Variants in GABRB3 observed in about 807,000 individuals in gnomAD.
GABRB3 encodes the protein gamma-aminobutyric acid receptor subunit beta-3.
GABRB3 carries 14 observed loss-of-function variants against 52.1 expected under a neutral mutation model. The observed-to-expected ratio is 0.27, with a 90% CI of 0.18 to 0.42. The LOEUF (loss-of-function observed/expected upper bound fraction) is 0.42. GABRB3 is among the 10% of genes least tolerant of loss of function. The pLI, the probability that GABRB3 is intolerant of heterozygous loss-of-function variation, is 1.00. For synonymous variants in GABRB3, 260 were observed against 232.3 expected, an observed-to-expected ratio of 1.12 and a Z score of -1.08; for missense variants, 307 against 609.1, an observed-to-expected ratio of 0.50 and a Z score of 5.22.
At chr15:26,567,756 T>C in intron 6 of GABRB3, 23 bp from the exon 7 acceptor site, 2 of 1,612,378 alleles carry the variant, frequency 1.2e-6, no homozygotes. Context: ...GACAAGGATA[T>C]TACACTGGAG....
At chr15:26,548,248 T>A in intron 8 of GABRB3, 114 bp from the exon 9 acceptor site, 2 of 857,570 alleles carry the variant, frequency 2.3e-6, no homozygotes, top group Non-Finnish European at 4.0e-6. Context: ...CGAGAAACTG[T>A]ACATCTGTCA....
chr15:26,769,440 C>T (rs548369630), intron 3 of GABRB3, among the ~76,000 whole-genome samples: 1 of 152,262 alleles, frequency 6.6e-6, no homozygotes. Flanking sequence ...CAATTACCTG[C>T]TTTAAAACCT....
intron 3 of GABRB3, among the ~76,000 whole-genome samples, chr15:26,737,786 C>T (rs768935726): frequency 6.6e-6 from 1 of 152,110 alleles, no homozygotes; most frequent in Admixed American, 6.5e-5. Context: ...CATACACTTT[C>T]ATATCATACT....
chr15:26,602,653 CT>C (rs1486519202), intron 4 of GABRB3, among the ~76,000 whole-genome samples: 2 of 151,986 alleles, frequency 1.3e-5, no homozygotes, highest in Non-Finnish European at 2.9e-5. Context: ...CAATAGGTTC[CT>C]GAATGACCAG....
intron 3 of GABRB3, chr15:26,666,298 T>C (rs1887707910): frequency 6.6e-6 from 1 of 152,230 alleles, no homozygotes; most frequent in African/African-American, 2.4e-5. Flanking sequence ...TGTATTTCTA[T>C]TGCTTGGCAG....
intron 2 of GABRB3, 87 bp downstream of exon 2, chr15:26,772,594 C>T: frequency 7.0e-7 from 1 of 1,433,080 alleles, no homozygotes; most frequent in Non-Finnish European, 9.4e-7. Context: ...CGCCGCTGCT[C>T]CGCGGATGCG....
Position 26,624,531 on chromosome 15 carries a change from T to C in GABRB3, c.241-2997A>G, listed in dbSNP as rs914200021. The C allele has an allele frequency of 2.3e-5, 23 of 985,216 alleles. No homozygotes were observed. In the African/African-American group the frequency reaches 4.0e-4, roughly 17 times the overall value. The allele number at this position is 985,216 out of a possible 1,614,324, so 61.0% of individuals were successfully genotyped here. On this transcript the variant is annotated intron_variant, in intron 3 of 8. Transcript: ENST00000311550. ...ACAGCCTGACAGCTCGGGCTCCGCG[T>C]CTTATTTTGGACTGTGTCGCTCTCC...
chr15:26,639,683 C>T (rs1289583824), intron 3 of GABRB3, among the ~76,000 whole-genome samples: 1 of 152,182 alleles, frequency 6.6e-6, no homozygotes, highest in Non-Finnish European at 1.5e-5. Context: ...ACTTCCATAT[C>T]CTACAGTGTA....
intron 3 of GABRB3, among the ~76,000 whole-genome samples, chr15:26,643,938 G>A (rs1057044451): frequency 4.6e-5 from 7 of 152,140 alleles, no homozygotes; most frequent in African/African-American, 1.7e-4. Flanking sequence ...GGGGCTTCGT[G>A]GAATTCAATG....
At chr15:26,726,951 G>A (rs190689054) in intron 3 of GABRB3, among the ~76,000 whole-genome samples, 2 of 152,294 alleles carry the variant, frequency 1.3e-5, no homozygotes, top group East Asian at 3.9e-4. Flanking sequence ...ATGAGGTCAG[G>A]AGTTCGAGAC....
chr15:26,703,155 C>T (rs1888990215), intron 3 of GABRB3, among the ~76,000 whole-genome samples: 1 of 152,120 alleles, frequency 6.6e-6, no homozygotes, highest in Non-Finnish European at 1.5e-5. Context: ...TTTTGTACTG[C>T]CATAACAGAA....
chr15:26,575,025 T>A (rs1890545239), intron 6 of GABRB3, among the ~76,000 whole-genome samples: 1 of 152,206 alleles, frequency 6.6e-6, no homozygotes, highest in Non-Finnish European at 1.5e-5. Flanking sequence ...AGTTCCTTCT[T>A]TCTTTTCTTT....
chr15:26,579,632 A>T (rs1483721098), intron 6 of GABRB3, among the ~76,000 whole-genome samples: 1 of 152,214 alleles, frequency 6.6e-6, no homozygotes, highest in African/African-American at 2.4e-5. Flanking sequence ...AAGCACTTTC[A>T]TTTATTATAC....
At chr15:26,750,449 AT>A (rs1252043105) in intron 3 of GABRB3, among the ~76,000 whole-genome samples, 2 of 152,138 alleles carry the variant, frequency 1.3e-5, no homozygotes, top group East Asian at 1.9e-4. Context: ...GGAAATGTCA[AT>A]TTTTTTGTTA....
rs1888120680 is a variant in GABRB3 at position 26,678,001 on chromosome 15, G to C, written c.241-56467C>G. Among the ~76,000 whole-genome samples, 3 of 152,252 alleles carry C rather than the reference G, an allele frequency of 2.0e-5. No homozygotes were observed. In the South Asian group the frequency reaches 6.2e-4, roughly 32 times the overall value. On this transcript the variant is annotated intron_variant, in intron 3 of 8. Coordinates refer to ENST00000311550, the MANE Select transcript of GABRB3 (RefSeq NM_000814.6). ...GGCCAGCTCTATCTAAAACTACGCT[G>C]TGTGGGCATTTTAGCAATTTGACTA...
chr15:26,653,513 TAACTGCC>T (rs929709351), intron 3 of GABRB3, among the ~76,000 whole-genome samples: 1 of 152,208 alleles, frequency 6.6e-6, no homozygotes, highest in Non-Finnish European at 1.5e-5. Context: ...TCTGGTCCCC[TAACTGCC>T]AAATTAATCC....
At chr15:26,619,734 C>T (rs1892403633) in intron 4 of GABRB3, among the ~76,000 whole-genome samples, 1 of 151,940 alleles carries the variant, frequency 6.6e-6, no homozygotes, top group South Asian at 2.1e-4. Context: ...ACTGAAATAG[C>T]ATGTTTTGTT....
chr15:26,603,518 T>C (rs1277738869), intron 4 of GABRB3, among the ~76,000 whole-genome samples: 1 of 151,808 alleles, frequency 6.6e-6, no homozygotes, highest in Middle Eastern at 3.2e-3. Context: ...GATGCAAAAA[T>C]ATTCAACAAA....
intron 6 of GABRB3, among the ~76,000 whole-genome samples, chr15:26,578,480 G>A (rs1890672182): frequency 6.6e-6 from 1 of 152,210 alleles, no homozygotes; most frequent in Non-Finnish European, 1.5e-5. Flanking sequence ...TTTAGGATGT[G>A]TTCTACCACA....
Sources: allele counts gnomAD v4.1 joint callset (sites outside exome capture counted in the v4.1 genomes callset), GRCh38; gene constraint gnomAD v4.1.1; transcripts MANE v1.5; gene names NCBI Gene and HGNC (gene_info 2026-07-23, HGNC 2026-07-21).